The following SYT13 variants were observed in gnomAD, a reference collection of about 807,000 sequenced individuals.
SYT13 encodes synaptotagmin-13.
SYT13 carries 21 observed loss-of-function variants against 38.6 expected under a neutral mutation model. The observed-to-expected ratio is 0.54, with a 90% CI of 0.39 to 0.78. The LOEUF (loss-of-function observed/expected upper bound fraction) is 0.78. Ranked by LOEUF, SYT13 falls within the 30% of genes least tolerant of loss-of-function variation. The pLI, the probability that SYT13 is intolerant of heterozygous loss-of-function variation, is 0.00. For missense variants in SYT13, 495 were observed against 548.7 expected (o/e 0.90, Z 0.98); for synonymous variants, 241 against 237.6 (o/e 1.01, Z -0.13).
At chr11:45,265,198 A>T (rs1854867081) in intron 1 of SYT13, among the ~76,000 whole-genome samples, 1 of 152,252 alleles carries the variant, frequency 6.6e-6, no homozygotes, top group African/African-American at 2.4e-5. Context: ...AACAATAGAG[A>T]AGAATTACCA....
chr11:45,244,684 C>A (rs972498015), intron 5 of SYT13, among the ~76,000 whole-genome samples: 1 of 152,166 alleles, frequency 6.6e-6, no homozygotes, highest in Non-Finnish European at 1.5e-5. Context: ...CCCCACTAGG[C>A]CATGCATTCA....
chr11:45,280,751 T>A (rs1280244347), intron 1 of SYT13, among the ~76,000 whole-genome samples: 3 of 152,196 alleles, frequency 2.0e-5, no homozygotes, highest in Non-Finnish European at 4.4e-5. Flanking sequence ...GTCTTCCCTC[T>A]CTTATTCAGT....
intron 1 of SYT13, among the ~76,000 whole-genome samples, chr11:45,284,078 G>T (rs1207427672): frequency 2.0e-5 from 3 of 152,210 alleles, no homozygotes; most frequent in East Asian, 3.9e-4. Context: ...TGTATGAAAG[G>T]CCAGAGAAAA....
At chr11:45,264,115 A>T (rs1854853169) in intron 1 of SYT13, among the ~76,000 whole-genome samples, 1 of 152,176 alleles carries the variant, frequency 6.6e-6, no homozygotes. Flanking sequence ...ATAGACATTG[A>T]GTGTGAGCAT....
chr11:45,265,566 A>G (rs1278896025), intron 1 of SYT13, among the ~76,000 whole-genome samples: 1 of 152,214 alleles, frequency 6.6e-6, no homozygotes, highest in Non-Finnish European at 1.5e-5. Context: ...TGAATCTGGT[A>G]TCTGGGGAAA....
intron 1 of SYT13, among the ~76,000 whole-genome samples, chr11:45,281,249 C>T (rs1320558583): frequency 6.6e-6 from 1 of 151,918 alleles, no homozygotes; most frequent in African/African-American, 2.4e-5. Flanking sequence ...TTTTGTAAAA[C>T]CTTAGAACTA....
chr11:45,245,557 A>C (rs1433134145), intron 5 of SYT13, among the ~76,000 whole-genome samples: 1 of 152,232 alleles, frequency 6.6e-6, no homozygotes, highest in East Asian at 1.9e-4. Context: ...ATGCAGTGGC[A>C]ATTCTTTATT....
intron 3 of SYT13, chr11:45,254,047 C>G: frequency 4.8e-6 from 2 of 418,092 alleles, no homozygotes; most frequent in Non-Finnish European, 8.2e-6. Context: ...CTTGAATCAC[C>G]ATTTGGAGAA....
Position 45,242,911 on chromosome 11 carries a change from G to A in SYT13, c.*1141C>T, listed in dbSNP as rs1468653804. ...AGCTGCTGGTTATTTACCCATTCAA[G>A]TGAAAACAGACAGAGGGAGGCACAG... On this transcript the variant is annotated 3_prime_UTR_variant, in exon 6 of 6. Coordinates refer to ENST00000020926, the MANE Select transcript of SYT13 (RefSeq NM_020826.3). The A allele has an allele frequency of 6.6e-6, 1 of 152,212 alleles. No homozygotes were observed. The highest frequency in any genetic ancestry group is 1.5e-5 in the Non-Finnish European group (1 of 68,042). The allele number at this position is 152,212 out of a possible 1,614,324, so 9.4% of individuals were successfully genotyped here. A position where few individuals can be genotyped will look rare whatever the true frequency, so the allele number is the denominator to read the frequency against.
intron 2 of SYT13, 86 bp from the exon 3 acceptor site, chr11:45,254,490 C>T: frequency 6.6e-7 from 1 of 1,517,990 alleles, no homozygotes; most frequent in Non-Finnish European, 8.8e-7. Context: ...ATCACCTATG[C>T]CAGGAACCCA....
intron 1 of SYT13, among the ~76,000 whole-genome samples, chr11:45,282,081 G>T (rs1590535504): frequency 6.6e-6 from 1 of 152,152 alleles, no homozygotes; most frequent in African/African-American, 2.4e-5. Context: ...CATGGGTCTG[G>T]CCGCCGCTCA....
In SYT13 at chr11:45,246,524, A is replaced by G. The variant is rs1417120265; in HGVS notation, c.847-12T>C. 1 of 1,613,472 alleles carries G rather than the reference A, an allele frequency of 6.2e-7. No homozygotes were observed. Among genetic ancestry groups the G allele is most frequent in the South Asian group, 1.1e-5 (1 of 90,938 alleles). ...CCTGCAGATGGCTCCTGAAACAGAA[A>G]AGGAGATGCAGGAGGGGAGTCTCAC... On this transcript the variant is annotated splice_polypyrimidine_tract_variant and intron_variant, in intron 4 of 5. Transcript: ENST00000020926.
At chr11:45,282,160 C>T (rs1077490) in intron 1 of SYT13, among the ~76,000 whole-genome samples, 48,031 of 152,028 alleles carry the variant, frequency 0.32, 7,738 homozygotes, top group South Asian at 0.4. Flanking sequence ...GCTCTTTCTC[C>T]TTGCTCAAGC....
In SYT13 at chr11:45,284,380, C is replaced by T. The variant is rs932360461; in HGVS notation, c.183+1645G>A. Reference sequence around the variant, plus strand: ...TCTTTAAGTTAGGATCATTCTATGGCTCCCTCACTGGGTCAAGAAACACAT... The same window carrying T: ...TCTTTAAGTTAGGATCATTCTATGGTTCCCTCACTGGGTCAAGAAACACAT... On this transcript the variant is annotated intron_variant, in intron 1 of 5. Coordinates refer to ENST00000020926, the MANE Select transcript of SYT13 (RefSeq NM_020826.3). Among the ~76,000 whole-genome samples the T allele has an allele frequency of 3.9e-5, 6 of 152,144 alleles. No individual in the cohort carries two copies. The East Asian group carries it at 1.2e-3, about 29-fold the overall frequency.
chr11:45,253,041 T>C (rs1206062493), intron 3 of SYT13, among the ~76,000 whole-genome samples: 1 of 152,202 alleles, frequency 6.6e-6, no homozygotes, highest in African/African-American at 2.4e-5. Flanking sequence ...GGGCCTTTAT[T>C]AGTGGTGCTG....
In SYT13 at chr11:45,254,366, G is replaced by T. The variant is rs1854716741; in HGVS notation, c.448C>A (p.Pro150Thr). Residue 150 changes from proline to threonine, a missense_variant, in exon 3 of 6, where the codon CCA becomes ACA. Transcript: ENST00000020926. ...TGGTTCCAACTGGCAGCCTTCTCTG[G>T]GTTCCAGGTCTCCATGACACAGACA... ...EDVCVMETWN[P>T]EKAASWNQAP... is the part of the protein sequence containing the mutation. 1 of 1,613,396 alleles carries T rather than the reference G, an allele frequency of 6.2e-7. No homozygotes were observed. The highest frequency in any genetic ancestry group is 8.5e-7 in the Non-Finnish European group (1 of 1,179,820).
chr11:45,256,285 C>T (rs1235794272), intron 1 of SYT13, among the ~76,000 whole-genome samples: 1 of 152,182 alleles, frequency 6.6e-6, no homozygotes, highest in Non-Finnish European at 1.5e-5. Context: ...GTGGCTCCCA[C>T]CACACAAAAT....
At chr11:45,281,155 C>T (rs1025371473) in intron 1 of SYT13, among the ~76,000 whole-genome samples, 3 of 151,398 alleles carry the variant, frequency 2.0e-5, no homozygotes, top group African/African-American at 7.3e-5. Context: ...GAGATTGCAC[C>T]ATTGCACTCC....
intron 4 of SYT13, among the ~76,000 whole-genome samples, chr11:45,247,339 T>C (rs1854625368): frequency 6.6e-6 from 1 of 152,100 alleles, no homozygotes; most frequent in African/African-American, 2.4e-5. Context: ...CAGCTGAAGG[T>C]CAGAAGTCTC....
Sources: gnomAD v4.1 joint callset for allele counts (sites outside exome capture counted in the v4.1 genomes callset) on GRCh38, gnomAD v4.1.1 for gene constraint, MANE v1.5 for transcripts, NCBI Gene and HGNC (gene_info 2026-07-23, HGNC 2026-07-21) for gene names.